GMDS: variants seen among roughly 807,000 people sequenced by gnomAD.
GMDS encodes the protein GDP-mannose 4,6 dehydratase.
A neutral mutation model predicts 49.9 loss-of-function variants in GMDS; 20 were observed. That is an observed-to-expected ratio of 0.40 (90% CI 0.28 to 0.58). The LOEUF is 0.58. Ranked by LOEUF, GMDS falls within the 20% of genes least tolerant of loss-of-function variation. The pLI, the probability that GMDS is intolerant of heterozygous loss-of-function variation, is 0.42. For synonymous variants in GMDS, 177 were observed against 178.6 expected, an observed-to-expected ratio of 0.99 and a Z score of 0.07; for missense variants, 362 against 481.4, an observed-to-expected ratio of 0.75 and a Z score of 2.32.
intron 8 of GMDS, among the ~76,000 whole-genome samples, chr6:1,732,785 A>AG (rs148228251): frequency 0.019 from 2,847 of 152,314 alleles, 29 homozygotes; most frequent in Non-Finnish European, 0.03. Context: ...GGGAGGAAGC[A>AG]GGGGTAGGAG....
intron 1 of GMDS, among the ~76,000 whole-genome samples, chr6:2,138,921 GC>G (rs1422217155): frequency 6.6e-6 from 1 of 150,900 alleles, no homozygotes; most frequent in Non-Finnish European, 1.5e-5. Context: ...TGTTCCCACT[GC>G]TTTGATCATA....
At chr6:2,078,146 T>C (rs1772456603) in intron 4 of GMDS, among the ~76,000 whole-genome samples, 1 of 152,026 alleles carries the variant, frequency 6.6e-6, no homozygotes, top group African/African-American at 2.4e-5. Flanking sequence ...ATTTCTGATT[T>C]ATGTGGGTCA....
chr6:2,106,720 G>A (rs758773959), intron 4 of GMDS, among the ~76,000 whole-genome samples: 3 of 152,002 alleles, frequency 2.0e-5, no homozygotes, highest in Non-Finnish European at 4.4e-5. Flanking sequence ...AAAATTAGCT[G>A]AGCGTGGTGG....
chr6:1,732,009 A>G (rs900612057), intron 8 of GMDS, among the ~76,000 whole-genome samples: 3 of 152,238 alleles, frequency 2.0e-5, no homozygotes, highest in African/African-American at 7.2e-5. Context: ...TTAGCTCTAC[A>G]GTAAACAAAT....
At chr6:1,684,734 G>C (rs898269533) in intron 9 of GMDS, among the ~76,000 whole-genome samples, 2 of 152,174 alleles carry the variant, frequency 1.3e-5, no homozygotes, top group African/African-American at 4.8e-5. Flanking sequence ...CTTGGCTGTG[G>C]TGATGGTTAC....
chr6:1,629,123 C>G (rs946943525), intron 9 of GMDS, among the ~76,000 whole-genome samples: 1 of 152,086 alleles, frequency 6.6e-6, no homozygotes, highest in African/African-American at 2.4e-5. Context: ...TGGGAAATAA[C>G]AAAAAATGAA....
intron 4 of GMDS, among the ~76,000 whole-genome samples, chr6:2,030,107 A>G (rs1337457850): frequency 1.3e-5 from 2 of 152,214 alleles, no homozygotes; most frequent in Non-Finnish European, 2.9e-5. Context: ...CACACAGCCC[A>G]TGTGGTTCCC....
chr6:1,864,728 C>G (rs1040470402), intron 7 of GMDS, among the ~76,000 whole-genome samples: 2 of 152,134 alleles, frequency 1.3e-5, no homozygotes, highest in Admixed American at 1.3e-4. Context: ...CACTGCCTAT[C>G]GCCTAACAAA....
At chr6:1,827,192 A>C (rs1771161305) in intron 7 of GMDS, among the ~76,000 whole-genome samples, 1 of 151,600 alleles carries the variant, frequency 6.6e-6, no homozygotes, top group South Asian at 2.1e-4. Context: ...ATATATACAT[A>C]TATGTATCCT....
At chr6:1,659,452 C>T (rs1373406465) in intron 9 of GMDS, among the ~76,000 whole-genome samples, 1 of 152,078 alleles carries the variant, frequency 6.6e-6, no homozygotes, top group Non-Finnish European at 1.5e-5. Context: ...CATCCCAGTC[C>T]TCCCAGTTAC....
At chr6:1,710,547 A>C (rs1765913865) in intron 9 of GMDS, among the ~76,000 whole-genome samples, 1 of 152,102 alleles carries the variant, frequency 6.6e-6, no homozygotes, top group East Asian at 1.9e-4. Flanking sequence ...ACCAAAAACA[A>C]CCAAAACACA....
At chr6:1,656,373 G>A (rs1474792195) in intron 9 of GMDS, among the ~76,000 whole-genome samples, 1 of 152,156 alleles carries the variant, frequency 6.6e-6, no homozygotes, top group African/African-American at 2.4e-5. Flanking sequence ...AGGCTCAAAG[G>A]AGACAACATC....
intron 1 of GMDS, among the ~76,000 whole-genome samples, chr6:2,133,394 T>C (rs1378813089): frequency 6.6e-6 from 1 of 152,224 alleles, no homozygotes; most frequent in African/African-American, 2.4e-5. Flanking sequence ...TAAATACTGA[T>C]GACTATATCT....
At chr6:2,201,116 AAG>A (rs1458742948) in intron 1 of GMDS, among the ~76,000 whole-genome samples, 1 of 142,648 alleles carries the variant, frequency 7.0e-6, no homozygotes, top group African/African-American at 2.7e-5. Context: ...GTGAAAGATG[AAG>A]AGAGAGCACC....
rs1386178839 is a variant in GMDS at position 2,225,505 on chromosome 6, C to T, written c.102+19816G>A. Among the ~76,000 whole-genome samples, 3 of 152,204 alleles carry T rather than the reference C, an allele frequency of 2.0e-5. No homozygotes were observed. The East Asian group carries it at 5.8e-4, about 29-fold the overall frequency. ...ACTTGTACCTTCTCCTGCTCCTATG[C>T]CACAGCTCTCTTCCATAAGTTCATT... On this transcript the variant is annotated intron_variant, in intron 1 of 10. Coordinates refer to ENST00000380815, the MANE Select transcript of GMDS (RefSeq NM_001500.4).
chr6:1,730,089 C>T (rs528704167), intron 8 of GMDS, among the ~76,000 whole-genome samples: 2 of 152,158 alleles, frequency 1.3e-5, no homozygotes, highest in Non-Finnish European at 2.9e-5. Flanking sequence ...ACCCAAATAT[C>T]ATAAAAGCGC....
chr6:1,976,349 AT>A (rs1394172169), intron 4 of GMDS, among the ~76,000 whole-genome samples: 2 of 152,192 alleles, frequency 1.3e-5, no homozygotes, highest in African/African-American at 4.8e-5. Context: ...TTAGAGGCAA[AT>A]TTAATAACAG....
At chr6:2,055,709 C>G (rs1770738413) in intron 4 of GMDS, among the ~76,000 whole-genome samples, 1 of 152,092 alleles carries the variant, frequency 6.6e-6, no homozygotes, top group Non-Finnish European at 1.5e-5. Flanking sequence ...GGATTAGGCA[C>G]AGAACTGTAG....
At chr6:1,746,150 T>A (rs1767487921) in intron 7 of GMDS, among the ~76,000 whole-genome samples, 1 of 152,222 alleles carries the variant, frequency 6.6e-6, no homozygotes, top group Non-Finnish European at 1.5e-5. Flanking sequence ...CACTCTGTGA[T>A]CAAATCGCCA....
Sources: allele counts gnomAD v4.1 joint callset (sites outside exome capture counted in the v4.1 genomes callset), GRCh38; gene constraint gnomAD v4.1.1; transcripts MANE v1.5; gene names NCBI Gene and HGNC (gene_info 2026-07-23, HGNC 2026-07-21).